Variants in PDZD2 observed in about 807,000 individuals in gnomAD.
PDZD2 encodes PDZ domain-containing protein 2.
Under a neutral mutation model 220.7 loss-of-function variants are expected in PDZD2, and 90 were observed. That is an observed-to-expected ratio of 0.41 (90% confidence interval 0.34 to 0.49). PDZD2 has a LOEUF of 0.49. Ranked by LOEUF, PDZD2 falls within the 20% of genes least tolerant of loss-of-function variation. The pLI is 0.28. For missense variants in PDZD2, 3,174 were observed against 3,608.5 expected (o/e 0.88, Z 3.08); for synonymous variants, 1,375 against 1,450.5 (o/e 0.95, Z 1.18).
chr5:31,962,355 C>T (rs939016217), intron 2 of PDZD2, among the ~76,000 whole-genome samples: 2 of 152,094 alleles, frequency 1.3e-5, no homozygotes, highest in South Asian at 2.1e-4. Flanking sequence ...GGTGCCAATA[C>T]GTAAATCCTT....
chr5:32,058,515 A>T (rs886647607), intron 12 of PDZD2, among the ~76,000 whole-genome samples: 11 of 28,774 alleles, frequency 3.8e-4, no homozygotes, highest in South Asian at 2.7e-3. Context: ...CTAAAAATAA[A>T]AAAAAAAAAT....
At chr5:31,660,976 A>AT (rs1745739407) in intron 1 of PDZD2, among the ~76,000 whole-genome samples, 1 of 152,072 alleles carries the variant, frequency 6.6e-6, no homozygotes, top group South Asian at 2.1e-4. Flanking sequence ...TCAAATGATC[A>AT]TCCCACCTTG....
chr5:32,096,828 G>GTTT (rs1388092153), intron 21 of PDZD2, among the ~76,000 whole-genome samples: 1 of 70,570 alleles, frequency 1.4e-5, no homozygotes, highest in African/African-American at 5.0e-5. Flanking sequence ...TATGTACTAT[G>GTTT]ATTTTTTTTT....
intron 1 of PDZD2, among the ~76,000 whole-genome samples, chr5:31,659,379 G>A (rs1475513637): frequency 1.3e-5 from 2 of 151,780 alleles, no homozygotes; most frequent in Admixed American, 6.6e-5. Flanking sequence ...CTCCTCCTGA[G>A]CACTGACTCA....
At chr5:31,817,361 G>A (rs1049985017) in intron 2 of PDZD2, among the ~76,000 whole-genome samples, 1 of 151,768 alleles carries the variant, frequency 6.6e-6, no homozygotes, top group Non-Finnish European at 1.5e-5. Context: ...GGCCGTGGTG[G>A]TGGATCCCTG....
intron 2 of PDZD2, among the ~76,000 whole-genome samples, chr5:31,940,519 A>G (rs1746122420): frequency 1.3e-5 from 2 of 152,162 alleles, no homozygotes; most frequent in African/African-American, 4.8e-5. Flanking sequence ...TATATTTTAC[A>G]TGCAGCAGAG....
chr5:31,804,282 A>G (rs1219657028), intron 2 of PDZD2, among the ~76,000 whole-genome samples: 2 of 152,158 alleles, frequency 1.3e-5, no homozygotes, highest in African/African-American at 4.8e-5. Context: ...AACACCTATT[A>G]CTTGGTCTTC....
intron 5 of PDZD2, among the ~76,000 whole-genome samples, chr5:32,004,091 TA>T (rs74863368): frequency 0.1 from 14,066 of 136,204 alleles, 1,860 homozygotes; most frequent in African/African-American, 0.32. Flanking sequence ...AACGTAAGAT[TA>T]AAAAAAAAAA....
At chr5:31,964,497 G>GT (rs922307416) in intron 2 of PDZD2, among the ~76,000 whole-genome samples, 5 of 151,954 alleles carry the variant, frequency 3.3e-5, no homozygotes, top group South Asian at 2.1e-4. Flanking sequence ...TTTTTTTGTT[G>GT]TTTTTTTCCC....
intron 3 of PDZD2, among the ~76,000 whole-genome samples, chr5:31,994,036 G>A (rs1353872462): frequency 6.6e-6 from 1 of 151,982 alleles, no homozygotes; most frequent in African/African-American, 2.4e-5. Context: ...GTTTGTTGGG[G>A]GGATGGAGTC....
chr5:32,038,605 TA>T (rs1755754599), intron 7 of PDZD2, among the ~76,000 whole-genome samples: 1 of 151,368 alleles, frequency 6.6e-6, no homozygotes, highest in African/African-American at 2.5e-5. Context: ...CTATTACGTT[TA>T]TTTTTTTTTC....
At chr5:31,927,069 G>A (rs948063367) in intron 2 of PDZD2, among the ~76,000 whole-genome samples, 4 of 152,128 alleles carry the variant, frequency 2.6e-5, no homozygotes, top group African/African-American at 9.7e-5. Context: ...GACTACTAGA[G>A]GGGGTCAGGG....
intron 2 of PDZD2, among the ~76,000 whole-genome samples, chr5:31,973,636 TTTAG>T (rs1237687370): frequency 6.6e-6 from 1 of 152,218 alleles, no homozygotes; most frequent in Non-Finnish European, 1.5e-5. Flanking sequence ...GTATCCTGAA[TTTAG>T]TTAGAGTGTT....
intron 2 of PDZD2, among the ~76,000 whole-genome samples, chr5:31,871,020 C>T (rs185799195): frequency 4.6e-5 from 7 of 152,180 alleles, no homozygotes; most frequent in South Asian, 2.1e-4. Context: ...GCCAATGCCA[C>T]TGTAGACTTT....
chr5:31,736,576 T>C (rs1185323064), intron 1 of PDZD2, among the ~76,000 whole-genome samples: 1 of 152,230 alleles, frequency 6.6e-6, no homozygotes, highest in Non-Finnish European at 1.5e-5. Flanking sequence ...CTTATAATAC[T>C]GAAAAGTTTA....
At chr5:32,049,110 A>G (rs1228852018) in intron 8 of PDZD2, among the ~76,000 whole-genome samples, 1 of 151,950 alleles carries the variant, frequency 6.6e-6, no homozygotes, top group Non-Finnish European at 1.5e-5. Context: ...CTGGAGTCCT[A>G]CCTGTTACAC....
chr5:32,097,922 G>T (rs1287029724), intron 22 of PDZD2, among the ~76,000 whole-genome samples: 2 of 151,658 alleles, frequency 1.3e-5, no homozygotes, highest in East Asian at 3.9e-4. Context: ...CTGAATGTAT[G>T]TTTTTTTTTA....
chr5:31,772,495 G>A (rs10035867), intron 1 of PDZD2, among the ~76,000 whole-genome samples: 4,423 of 152,258 alleles, frequency 0.029, 207 homozygotes, highest in African/African-American at 0.098. Context: ...GCACCCTTCT[G>A]TGGAAGTAAA....
rs906313004 is a variant in PDZD2 at position 32,108,573 on chromosome 5, G to A, written c.*438G>A. 5.5e-5 allele frequency: 6 copies of A among 109,886 alleles called. No individual in the cohort carries two copies. Among genetic ancestry groups the A allele is most frequent in the African/African-American group, 1.6e-4 (5 of 31,962 alleles). The allele number at this position is 109,886 out of a possible 1,614,324, so 6.8% of individuals were successfully genotyped here. On this transcript the variant is annotated 3_prime_UTR_variant, in exon 25 of 25. Coordinates refer to ENST00000438447, the MANE Select transcript of PDZD2 (RefSeq NM_178140.4). ...ACCTAAGAGGACAATCAATCATTTT[G>A]TATGATTTTGTAAGTAAATGACAGA...
Sources: gnomAD v4.1 joint callset for allele counts (sites outside exome capture counted in the v4.1 genomes callset) on GRCh38, gnomAD v4.1.1 for gene constraint, MANE v1.5 for transcripts, NCBI Gene and HGNC (gene_info 2026-07-23, HGNC 2026-07-21) for gene names.